Variants in C4BPB observed in about 807,000 individuals in gnomAD.
The protein encoded by C4BPB is C4b-binding protein beta chain.
Under a neutral mutation model 26.6 loss-of-function variants are expected in C4BPB, and 19 were observed. The observed-to-expected ratio is 0.71, with a 90% CI of 0.50 to 1.05. C4BPB has a LOEUF of 1.05. Among genes scored for constraint, C4BPB ranks in the 50% least tolerant of loss-of-function variants. C4BPB has a pLI of 0.00. For missense variants in C4BPB, 282 were observed against 302.9 expected (o/e 0.93, Z 0.51); for synonymous variants, 118 against 103.5 (o/e 1.14, Z -0.85).
chr1:207,090,904 T>C (rs914290850), intron 3 of C4BPB, among the ~76,000 whole-genome samples: 50 of 152,234 alleles, frequency 3.3e-4, no homozygotes, highest in African/African-American at 1.1e-3. Flanking sequence ...GTTTCATGTA[T>C]ATCCTCTTTA....
chr1:207,095,715 G>T (rs1435006896), intron 4 of C4BPB: 1 of 326,090 alleles, frequency 3.1e-6, no homozygotes. Context: ...CTCCAGTGTT[G>T]GAGGTGGTGC....
intron 5 of C4BPB, among the ~76,000 whole-genome samples, chr1:207,096,831 C>T (rs1684272438): frequency 6.6e-6 from 1 of 152,176 alleles, no homozygotes. Flanking sequence ...TACCCCAATG[C>T]AAGTATCTCT....
In C4BPB at chr1:207,096,326, T is replaced by C. The variant is rs1684247510; in HGVS notation, c.410-196T>C. The C allele has an allele frequency of 1.4e-5, 8 of 569,924 alleles. No homozygotes were observed. The South Asian group carries it at 1.4e-4, about 10-fold the overall frequency. The allele number at this position is 569,924 out of a possible 1,614,324, so 35.3% of individuals were successfully genotyped here. A position where few individuals can be genotyped will look rare whatever the true frequency, so the allele number is the denominator to read the frequency against. ...GGGAAAGCTCTTTCCCATGGACAAA[T>C]ATGATTTAGAAGAGAAGGAAATGAA... On this transcript the variant is annotated intron_variant, in intron 4 of 6. Transcript: ENST00000367078.
intron 6 of C4BPB, among the ~76,000 whole-genome samples, chr1:207,098,653 AC>A (rs1402674388): frequency 6.6e-6 from 1 of 152,206 alleles, no homozygotes; most frequent in African/African-American, 2.4e-5. Context: ...TTTATTGTGT[AC>A]TTTATTTCTA....
At chr1:207,095,736 G>A (rs77572178) in intron 4 of C4BPB, 2 of 318,830 alleles carry the variant, frequency 6.3e-6, no homozygotes, top group East Asian at 9.2e-5. Context: ...TTGGTGGGAG[G>A]TGACTGGATC....
chr1:207,090,176 C>A (rs1432310618), intron 2 of C4BPB, 132 bp from the exon 3 acceptor site: 2 of 692,580 alleles, frequency 2.9e-6, no homozygotes, highest in African/African-American at 3.7e-5. Flanking sequence ...GAGTAGAATA[C>A]AGAGTACTTG....
chr1:207,099,268 T>C (rs1223306400), intron 6 of C4BPB, among the ~76,000 whole-genome samples: 1 of 152,194 alleles, frequency 6.6e-6, no homozygotes, highest in Non-Finnish European at 1.5e-5. Flanking sequence ...TTCACGCTCT[T>C]ATGAGAATCT....
chr1:207,099,697 T>C (rs1386569366), intron 6 of C4BPB, 92 bp from the exon 7 acceptor site: 3 of 1,026,792 alleles, frequency 2.9e-6, no homozygotes, highest in Admixed American at 5.2e-5. Flanking sequence ...TGAGCCCCCA[T>C]TCAGAGAGCT....
chr1:207,089,997 C>T (rs552608327), intron 2 of C4BPB, among the ~76,000 whole-genome samples: 1 of 152,292 alleles, frequency 6.6e-6, no homozygotes, highest in South Asian at 2.1e-4. Context: ...TCCGGCCGGG[C>T]GCAGCGGCTC....
rs182413444 is a variant in C4BPB at position 207,090,471 on chromosome 1, T to C, written c.222T>C (p.Thr74=). The C allele has an allele frequency of 6.2e-7, 1 of 1,607,766 alleles. No homozygotes were observed. Among genetic ancestry groups the C allele is most frequent in the African/African-American group, 1.3e-5 (1 of 74,608 alleles). The stretch of plus-strand genomic sequence containing the variant: ...CTAAGGAGTGGGATAACACCACTAC[T>C]GAGTGCCGCTGTAAGTTAGATCTTT... ...NASKEWDNTT[T]ECRLGHCPDP... Residue 74 remains threonine (T), a synonymous_variant, in exon 3 of 7, where the codon ACT becomes ACC. Transcript: ENST00000367078.
intron 3 of C4BPB, 111 bp from the exon 4 acceptor site, chr1:207,091,533 C>T (rs1294820672): frequency 4.0e-6 from 3 of 742,860 alleles, no homozygotes; most frequent in African/African-American, 1.8e-5. Context: ...TAAAAATGTG[C>T]AGTATTAACT....
At chr1:207,094,597 T>C (rs1034697307) in intron 4 of C4BPB, among the ~76,000 whole-genome samples, 1 of 152,216 alleles carries the variant, frequency 6.6e-6, no homozygotes, top group African/African-American at 2.4e-5. Flanking sequence ...CACTTCATTA[T>C]CTAAATCTAG....
chr1:207,094,335 A>G (rs1684162334), intron 4 of C4BPB, among the ~76,000 whole-genome samples: 1 of 152,126 alleles, frequency 6.6e-6, no homozygotes, highest in Admixed American at 6.6e-5. Flanking sequence ...AAAAAGAAAT[A>G]ATAAAGACAG....
At chr1:207,089,708 T>A in intron 2 of C4BPB, 119 bp downstream of exon 2, 1 of 836,694 alleles carries the variant, frequency 1.2e-6, no homozygotes, top group Non-Finnish European at 1.9e-6. Context: ...ATTCTTCTAT[T>A]GAAAAATCTC....
At position 207,089,615 on chromosome 1, in the gene C4BPB, C is replaced by G. The variant is rs1196776190; in HGVS notation, c.58+26C>G. 2.5e-6 allele frequency: 4 copies of G among 1,608,082 alleles called. No individual in the cohort carries two copies. The Admixed American group carries it at 6.7e-5, about 27-fold the overall frequency. ...GTACGTATGCTTTCCTTCAACTCAG[C>G]TTACAGGCATTTGGTGTCCTTTTGC... On this transcript the variant is annotated intron_variant, in intron 2 of 6. Transcript: ENST00000367078.
chr1:207,099,263 G>A (rs557765492), intron 6 of C4BPB, among the ~76,000 whole-genome samples: 52 of 152,300 alleles, frequency 3.4e-4, no homozygotes, highest in African/African-American at 1.2e-3. Context: ...TAGGTTTCAC[G>A]CTCTTATGAG....
Position 207,098,211 on chromosome 1 carries a change from C to T in C4BPB, c.565C>T (p.Pro189Ser), listed in dbSNP as rs1365459204. The T allele has an allele frequency of 6.2e-7, 1 of 1,614,028 alleles. No homozygotes were observed. ...TGATGGGGAGTGGAGCAGTGCACTT[C>T]CAGTCTGCAAGTTGATCCAGGAAGC... ...CVDGEWSSAL[P>S]VCKLIQEAPK... is the part of the protein sequence containing the mutation. The change falls in exon 6 of 7, where the codon CCA (proline) becomes TCA (serine). Residue 189 changes from proline (P) to serine (S), a missense_variant. Physicochemically the swap from Pro to Ser is moderately conservative, Grantham distance 74. Coordinates refer to ENST00000367078, the MANE Select transcript of C4BPB (RefSeq NM_001017365.3).
At chr1:207,091,390 C>T (rs915800512) in intron 3 of C4BPB, among the ~76,000 whole-genome samples, 41 of 152,292 alleles carry the variant, frequency 2.7e-4, no homozygotes, top group Admixed American at 9.8e-4. Flanking sequence ...CTTTCAGTTA[C>T]GTGATTAATT....
chr1:207,089,243 C>T (rs1683923101), intron 1 of C4BPB: 1 of 390,228 alleles, frequency 2.6e-6, no homozygotes. Flanking sequence ...ATTTGCATTC[C>T]CAGAAACCAG....
Sources: allele counts gnomAD v4.1 joint callset (sites outside exome capture counted in the v4.1 genomes callset), GRCh38; gene constraint gnomAD v4.1.1; transcripts MANE v1.5; gene names NCBI Gene and HGNC (gene_info 2026-07-23, HGNC 2026-07-21).